The following RANBP2 variants were observed in gnomAD, a reference collection of about 807,000 sequenced individuals.
RANBP2 encodes RAN binding protein 2.
In RANBP2, 57 loss-of-function variants were observed where a neutral mutation model predicts 303.6. The ratio of observed to expected loss-of-function variants is 0.19; its 90% CI spans 0.15 to 0.23. The LOEUF is 0.23. Among genes scored for constraint, RANBP2 ranks in the 10% least tolerant of loss-of-function variants. The pLI, the probability that RANBP2 is intolerant of heterozygous loss-of-function variation, is 1.00. For synonymous variants in RANBP2, 1,167 were observed against 1,301.5 expected, an observed-to-expected ratio of 0.90 and a Z score of 2.23; for missense variants, 3,138 against 3,780.8, an observed-to-expected ratio of 0.83 and a Z score of 4.46.
the RANBP2 span, among the ~76,000 whole-genome samples, chr2:109,221,450 G>A: frequency 1.3e-5 from 2 of 152,114 alleles, no homozygotes; most frequent in East Asian, 1.9e-4. Context: ...AAGTGTGGTG[G>A]TGCACGCCTG....
the RANBP2 span, among the ~76,000 whole-genome samples, chr2:109,270,333 A>T: frequency 6.6e-6 from 1 of 152,102 alleles, no homozygotes; most frequent in East Asian, 1.9e-4. Flanking sequence ...CATGGGGAGG[A>T]TTGCCATTCA....
the RANBP2 span, among the ~76,000 whole-genome samples, chr2:109,045,238 G>A: frequency 1.3e-5 from 2 of 152,186 alleles, no homozygotes; most frequent in Non-Finnish European, 2.9e-5. Context: ...GTGGGAGGTC[G>A]GAGGAGGTAG....
At chr2:109,418,819 A>C in the RANBP2 span, among the ~76,000 whole-genome samples, 4 of 152,078 alleles carry the variant, frequency 2.6e-5, no homozygotes, top group East Asian at 7.7e-4. Context: ...CAGGGCGAGC[A>C]AGCTGGGTCG....
the RANBP2 span, among the ~76,000 whole-genome samples, chr2:109,440,314 G>A: frequency 1.3e-5 from 2 of 152,202 alleles, no homozygotes; most frequent in Non-Finnish European, 2.9e-5. Context: ...TTGGGCCGCC[G>A]AGGCCAGGGG....
At chr2:109,567,138 G>A in the RANBP2 span, among the ~76,000 whole-genome samples, 2 of 152,106 alleles carry the variant, frequency 1.3e-5, no homozygotes, top group Non-Finnish European at 2.9e-5. Context: ...CTTAACAAAG[G>A]TGACATCATT....
chr2:109,490,593 G>A, the RANBP2 span: 1 of 1,418,296 alleles, frequency 7.1e-7, no homozygotes, highest in Non-Finnish European at 9.2e-7. Context: ...TCCATCTTGT[G>A]TGTCTCCCCA....
the RANBP2 span, among the ~76,000 whole-genome samples, chr2:109,289,070 A>T: frequency 6.6e-6 from 1 of 152,210 alleles, no homozygotes; most frequent in Non-Finnish European, 1.5e-5. Context: ...TAGGTGCTAA[A>T]TTATAACTGA....
rs1677590010 is a variant in RANBP2 at position 108,772,653 on chromosome 2, ATAATTTC to A, written c.8113+75_8113+81del. The A allele has an allele frequency of 3.1e-5, 44 of 1,413,864 alleles. 1 individual carries two copies. The South Asian group carries it at 4.0e-4, about 13-fold the overall frequency. The allele number at this position is 1,413,864 out of a possible 1,614,324, so 87.6% of individuals were successfully genotyped here. ...TATTTAGAAGGAATAACCTAGTCTG[ATAATTTC>A]TATAATTATCGATTTTACGATGCCC... On this transcript the variant is annotated intron_variant, in intron 22 of 28. Transcript: ENST00000283195.
At chr2:109,041,946 T>A in the RANBP2 span, among the ~76,000 whole-genome samples, 1 of 152,208 alleles carries the variant, frequency 6.6e-6, no homozygotes, top group African/African-American at 2.4e-5. Context: ...ATGTTTGTTT[T>A]GTAATGTTAA....
At chr2:108,939,138 A>G in the RANBP2 span, among the ~76,000 whole-genome samples, 2 of 151,750 alleles carry the variant, frequency 1.3e-5, no homozygotes, top group African/African-American at 4.8e-5. Context: ...GATAGGAGCC[A>G]CTCTTCAGCA....
chr2:109,197,364 T>A, the RANBP2 span, among the ~76,000 whole-genome samples: 1 of 152,214 alleles, frequency 6.6e-6, no homozygotes, highest in Non-Finnish European at 1.5e-5. Context: ...CAGACCCACT[T>A]GGACTTCAGT....
intron 12 of RANBP2, 83 bp from the exon 13 acceptor site, chr2:108,752,915 C>T (rs1676015999): frequency 6.2e-7 from 1 of 1,606,694 alleles, no homozygotes; most frequent in Admixed American, 1.7e-5. Flanking sequence ...GAAATTTTAG[C>T]CAGTTCTTTC....
chr2:109,615,888 CGTA>C, the RANBP2 span: 2 of 1,612,692 alleles, frequency 1.2e-6, no homozygotes, highest in Non-Finnish European at 1.7e-6. Flanking sequence ...CTCTAGTGGA[CGTA>C]TAAAACCCAG....
At chr2:109,616,777 A>G in the RANBP2 span, 1 of 167,086 alleles carries the variant, frequency 6.0e-6, no homozygotes, top group African/African-American at 2.4e-5. Flanking sequence ...CACCACTATT[A>G]AGGTACACCA....
the RANBP2 span, among the ~76,000 whole-genome samples, chr2:109,271,700 GC>G: frequency 6.6e-6 from 1 of 152,182 alleles, no homozygotes; most frequent in Non-Finnish European, 1.5e-5. Context: ...AGGACGAAGG[GC>G]CCCCCTCTGC....
the RANBP2 span, among the ~76,000 whole-genome samples, chr2:109,314,656 A>G: frequency 0.31 from 47,519 of 152,234 alleles, 9,203 homozygotes; most frequent in African/African-American, 0.55. Context: ...TTGTAAATTA[A>G]TCCTCCTTTA....
the RANBP2 span, among the ~76,000 whole-genome samples, chr2:108,843,107 A>G: frequency 6.6e-6 from 1 of 151,604 alleles, no homozygotes; most frequent in African/African-American, 2.4e-5. Context: ...CTCTTTCATT[A>G]TATCCTATCT....
chr2:109,344,838 C>T, the RANBP2 span, among the ~76,000 whole-genome samples: 1 of 152,158 alleles, frequency 6.6e-6, no homozygotes, highest in Admixed American at 6.5e-5. Context: ...GACAGACAGC[C>T]TCTAGGAGCT....
the RANBP2 span, among the ~76,000 whole-genome samples, chr2:109,170,250 TTCTCTTCTCTTCTCTTCTCTTCTC>T: frequency 4.7e-4 from 3 of 6,380 alleles, no homozygotes; most frequent in African/African-American, 1.3e-3. Flanking sequence ...TTCTTTTCTC[TTCTCTTCTCTTCTCTTCTCTTCTC>T]TTCTCTTCTC....
Sources: allele counts gnomAD v4.1 joint callset (sites outside exome capture counted in the v4.1 genomes callset), GRCh38; gene constraint gnomAD v4.1.1; transcripts MANE v1.5; gene names NCBI Gene and HGNC (gene_info 2026-07-23, HGNC 2026-07-21).